Variants in AHDC1 observed in about 807,000 individuals in gnomAD.
AHDC1 encodes transcription factor Gibbin.
In AHDC1, 7 loss-of-function variants were observed where a neutral mutation model predicts 87.9. The ratio of observed to expected loss-of-function variants is 0.08; its 90% confidence interval spans 0.05 to 0.15. The LOEUF (loss-of-function observed/expected upper bound fraction) is 0.15. AHDC1 is among the 10% of genes least tolerant of loss of function. The probability of loss-of-function intolerance (pLI) is 1.00; values close to 1 mark genes in which losing one functional copy is unlikely to be tolerated. For synonymous variants in AHDC1, 1,051 were observed against 1,006.8 expected, an observed-to-expected ratio of 1.04 and a Z score of -0.83; for missense variants, 1,841 against 2,253.2, an observed-to-expected ratio of 0.82 and a Z score of 3.70.
chr1:27,587,478 C>T (rs997234676), intron 3 of AHDC1, among the ~76,000 whole-genome samples: 1 of 152,194 alleles, frequency 6.6e-6, no homozygotes, highest in South Asian at 2.1e-4. Context: ...GCTCCTTCCC[C>T]AACTTCTCCC....
At position 27,548,604 on chromosome 1, in the gene AHDC1, G is replaced by T; in HGVS notation, c.3512C>A (p.Thr1171Asn). ...GCCACCAACCGGCTGATTGAACTGG[G>T]TGCTGTCGGAGGATGACTCAGAGAA... Reference protein sequence around the residue: ...ETFSESSSDSTQFNQPVGGGG... With the variant: ...ETFSESSSDSNQFNQPVGGGG... The change falls in exon 8 of 9, where the codon ACC becomes AAC. Residue 1171 changes from threonine to asparagine, a missense_variant. Thr to Asn is a moderately conservative substitution (Grantham distance 65). This residue lies in a region of AHDC1 where 505 missense variants were observed against 626.2 expected (regional missense o/e 0.81). Coordinates refer to ENST00000673934, the MANE Select transcript of AHDC1 (RefSeq NM_001371928.1). 3 of 1,613,586 alleles carry T rather than the reference G, an allele frequency of 1.9e-6. No homozygotes were observed. The highest frequency in any genetic ancestry group is 2.5e-6 in the Non-Finnish European group (3 of 1,180,036).
In AHDC1 at chr1:27,590,375, C is replaced by A. The variant is rs1237349934; in HGVS notation, c.-629+13022G>T. Among the ~76,000 whole-genome samples, 1 of 152,190 alleles carries A rather than the reference C, an allele frequency of 6.6e-6. No individual in the cohort carries two copies. Among genetic ancestry groups the A allele is most frequent in the East Asian group, 1.9e-4 (1 of 5,190 alleles). On this transcript the variant is annotated intron_variant, in intron 3 of 8. Coordinates refer to ENST00000673934, the MANE Select transcript of AHDC1 (RefSeq NM_001371928.1). This position sits in a 1 kb window ranked among gnomAD's most constrained non-coding sequence, Gnocchi z 5.4. ...CCCTTCCAGGCCCACACCTCCCAACCAAAGATGGCTTCCCAGCACCCCCAG... is the reference window on the plus strand; with the variant it reads ...CCCTTCCAGGCCCACACCTCCCAACAAAAGATGGCTTCCCAGCACCCCCAG...
chr1:27,557,765 C>G (rs1333923022), intron 5 of AHDC1, among the ~76,000 whole-genome samples: 1 of 152,202 alleles, frequency 6.6e-6, no homozygotes, highest in Non-Finnish European at 1.5e-5. Flanking sequence ...AGTATCCCCA[C>G]ACCTGCCCAG....
rs1181572208 is a variant in AHDC1 at position 27,549,663 on chromosome 1, C to T, written c.2453G>A (p.Ser818Asn). The T allele has an allele frequency of 2.5e-6, 4 of 1,613,014 alleles. No homozygotes were observed. The highest frequency in any genetic ancestry group is 3.3e-5 in the Admixed American group (2 of 60,010). ...GGTCTGGCCTGAGGGTGCACCCGTG[C>T]TGTAGTAGCTGCCACGGCCTGAGGC... ...SGASGRGSYY[S>N]TGAPSGQTEL... Residue 818 changes from serine (S) to asparagine (N), a missense_variant, in exon 8 of 9, where the codon AGC (serine) becomes AAC (asparagine). Ser to Asn is a conservative substitution (Grantham distance 46). Coordinates refer to ENST00000673934, the MANE Select transcript of AHDC1 (RefSeq NM_001371928.1).
chr1:27,549,099 T>C lies in AHDC1; in HGVS notation c.3017A>G (p.Asn1006Ser), dbSNP rs139713012. ...GCTGCTGGGTGAGGCAGGGAGGCTG[T>C]TGCCACTGCCATAGGCGAAGCTGCA... is the stretch of plus-strand genomic sequence containing the variant. ...KDCSFAYGSG[N>S]SLPASPSSAH... is the part of the protein sequence containing the mutation. Residue 1006 changes from asparagine to serine, a missense_variant, in exon 8 of 9, where the codon AAC becomes AGC. By Grantham distance (46) the Asn-to-Ser change is conservative. This residue lies in a region of AHDC1 where 378 missense variants were observed against 399.0 expected (regional missense o/e 0.95). Transcript: ENST00000673934. The C allele has an allele frequency of 8.4e-6, 13 of 1,553,860 alleles. No individual in the cohort carries two copies. The highest frequency in any genetic ancestry group is 7.6e-5 in the Admixed American group (4 of 52,638).
chr1:27,599,103 A>AG (rs1238454347), intron 3 of AHDC1, among the ~76,000 whole-genome samples: 2 of 152,178 alleles, frequency 1.3e-5, no homozygotes, highest in Non-Finnish European at 2.9e-5. Flanking sequence ...GAGATGCTGC[A>AG]GGGGCAGAAT....
At chr1:27,546,329 T>G (rs1257768852) in intron 8 of AHDC1, among the ~76,000 whole-genome samples, 1 of 128,272 alleles carries the variant, frequency 7.8e-6, no homozygotes. Context: ...ATTTTCTGTC[T>G]TTTATTTTCC....
At chr1:27,597,512 G>A (rs1248014708) in intron 3 of AHDC1, among the ~76,000 whole-genome samples, 2 of 152,162 alleles carry the variant, frequency 1.3e-5, no homozygotes, top group African/African-American at 4.8e-5. Context: ...TGTGCATCTG[G>A]TGCAGGGGTC....
rs575720279 is a variant in AHDC1 at position 27,590,686 on chromosome 1, G to A, written c.-629+12711C>T. ...TGAGAGGCATCAGGAGAGGATTTAA[G>A]GTCCAAAGTTGGGGAAACTGAGGCA... On this transcript the variant is annotated intron_variant, in intron 3 of 8. Coordinates refer to ENST00000673934, the MANE Select transcript of AHDC1 (RefSeq NM_001371928.1). This position sits in a 1 kb window ranked among gnomAD's most constrained non-coding sequence, Gnocchi z 5.4. Among the ~76,000 whole-genome samples the A allele has an allele frequency of 3.9e-5, 6 of 152,290 alleles. No homozygotes were observed. Among genetic ancestry groups the A allele is most frequent in the African/African-American group, 1.2e-4 (5 of 41,550 alleles).
rs1484151834 is a variant in AHDC1, at chr1:27,549,149, G to A, written c.2967C>T (p.Gly989=). Residue 989 remains glycine, a synonymous_variant, in exon 8 of 9, where the codon GGC becomes GGT. Coordinates refer to ENST00000673934, the MANE Select transcript of AHDC1 (RefSeq NM_001371928.1). The part of the protein sequence containing the change: ...SVFAPTKPFT[G]QDCANSKDCS... ...AGTCCTTGCTGTTAGCGCAGTCCTG[G>A]CCTGTAAAGGGCTTAGTTGGGGCGA... The A allele has an allele frequency of 6.4e-7, 1 of 1,563,250 alleles. No individual in the cohort carries two copies. The highest frequency in any genetic ancestry group is 1.2e-5 in the South Asian group (1 of 83,914).
Position 27,550,851 on chromosome 1 carries a change from A to T in AHDC1, c.1265T>A (p.Leu422Gln), listed in dbSNP as rs1028638258. The T allele has an allele frequency of 1.8e-5, 29 of 1,573,684 alleles. No homozygotes were observed. The highest frequency in any genetic ancestry group is 2.5e-5 in the Non-Finnish European group (29 of 1,163,208). The change falls in exon 8 of 9, where the codon CTG becomes CAG. Residue 422 changes from leucine (L) to glutamine (Q), a missense_variant. Around this residue, in one of 13 missense-constraint regions of AHDC1, gnomAD observed 370 missense variants for 391.5 expected, o/e 0.95. Transcript: ENST00000673934. Reference sequence around the variant, plus strand: ...TGGGGGTTCGGCCAGGGCAGCCACCAGCCCCGTGGGCATAGGCAGGGGCAG... The same window carrying T: ...TGGGGGTTCGGCCAGGGCAGCCACCTGCCCCGTGGGCATAGGCAGGGGCAG... ...RLLPLPMPTG[L>Q]VAALAEPPPP...
In AHDC1 at chr1:27,548,612, G is replaced by T; in HGVS notation, c.3504C>A (p.Ser1168=). Residue 1168 remains serine, a synonymous_variant, in exon 8 of 9, where the codon TCC becomes TCA. Coordinates refer to ENST00000673934, the MANE Select transcript of AHDC1 (RefSeq NM_001371928.1). ...CCGGCTGATTGAACTGGGTGCTGTCGGAGGATGACTCAGAGAAGGTCTCCG... is the reference window on the plus strand; with the variant it reads ...CCGGCTGATTGAACTGGGTGCTGTCTGAGGATGACTCAGAGAAGGTCTCCG... ...AVSETFSESS[S]DSTQFNQPVG... is the part of the protein sequence containing the mutation. The T allele has an allele frequency of 6.2e-7, 1 of 1,613,546 alleles. No individual in the cohort carries two copies.
chr1:27,549,884 G>C lies in AHDC1; in HGVS notation c.2232C>G (p.Ser744=), dbSNP rs766264781. The change falls in exon 8 of 9, where the codon TCC becomes TCG. Residue 744 remains serine (S), a synonymous_variant. Transcript: ENST00000673934. ...VTGKPKRKRR[S]RKNGTLFPEQ... ...CTGGGAACAGAGTCCCATTCTTCCGGGACCGTCTCTTGCGCTTTGGCTTCC... is the reference window on the plus strand; with the variant it reads ...CTGGGAACAGAGTCCCATTCTTCCGCGACCGTCTCTTGCGCTTTGGCTTCC... The C allele has an allele frequency of 4.2e-5, 68 of 1,613,462 alleles. No homozygotes were observed. The highest frequency in any genetic ancestry group is 2.2e-4 in the Admixed American group (13 of 59,972).
Position 27,548,365 on chromosome 1 carries a change from T to G in AHDC1, c.3751A>C (p.Thr1251Pro). ...CCTGAGGCAGCGGCAGAGGCGGATG[T>G]CGGGAAGCCCAGATGTGAGGCCTCG... ...LFEASHLGFP[T>P]SASAAASGYP... The change falls in exon 8 of 9, where the codon ACA (threonine) becomes CCA (proline). Residue 1251 changes from threonine to proline, a missense_variant. Physicochemically the swap from Thr to Pro is conservative, Grantham distance 38 (BLOSUM62 -1). This residue lies in a region of AHDC1 where 505 missense variants were observed against 626.2 expected (regional missense o/e 0.81). Transcript: ENST00000673934. The G allele has an allele frequency of 1.2e-6, 2 of 1,606,334 alleles. No homozygotes were observed. The highest frequency in any genetic ancestry group is 1.7e-6 in the Non-Finnish European group (2 of 1,174,438).
rs1186309256 is a variant in AHDC1 at position 27,561,341 on chromosome 1, G to A, written c.-628-2458C>T. Reference sequence around the variant, plus strand: ...CTGCATGGGGTCTGCCTGGCCCTGAGTGTTGGGGGGGAACTTCAGGAGCAA... The same window carrying A: ...CTGCATGGGGTCTGCCTGGCCCTGAATGTTGGGGGGGAACTTCAGGAGCAA... On this transcript the variant is annotated intron_variant, in intron 3 of 8. Transcript: ENST00000673934. This position sits in a 1 kb window ranked among gnomAD's most constrained non-coding sequence, Gnocchi z 4.2. 4.0e-5 allele frequency among the ~76,000 whole-genome samples: 6 copies of A among 150,384 alleles called. No homozygotes were observed. In the East Asian group the frequency reaches 9.7e-4, roughly 24 times the overall value.
intron 3 of AHDC1, among the ~76,000 whole-genome samples, chr1:27,581,909 C>G (rs1233098987): frequency 6.6e-6 from 1 of 152,182 alleles, no homozygotes; most frequent in Non-Finnish European, 1.5e-5. Context: ...TCCCCTGAGT[C>G]TCAACACCAC....
chr1:27,585,660 G>A (rs183208605), intron 3 of AHDC1, among the ~76,000 whole-genome samples: 177 of 152,226 alleles, frequency 1.2e-3, no homozygotes, highest in African/African-American at 4.0e-3. Context: ...CCTTCGAGAA[G>A]CCCCTTGTGG....
At position 27,548,158 on chromosome 1, in the gene AHDC1, C is replaced by T; in HGVS notation, c.3958G>A (p.Asp1320Asn). 1 of 1,613,828 alleles carries T rather than the reference C, an allele frequency of 6.2e-7. No individual in the cohort carries two copies. Among genetic ancestry groups the T allele is most frequent in the Non-Finnish European group, 8.5e-7 (1 of 1,180,038 alleles). ...PDLGLDYYSG[D>N]SSMSPLPSQS... The stretch of plus-strand genomic sequence containing the variant: ...GAGGGCAGTGGTGACATGCTGCTGT[C>T]CCCGCTATAGTAGTCCAGGCCGAGG... Residue 1320 changes from aspartate (D) to asparagine (N), a missense_variant, in exon 8 of 9, where the codon GAC becomes AAC. Coordinates refer to ENST00000673934, the MANE Select transcript of AHDC1 (RefSeq NM_001371928.1).
Position 27,598,146 on chromosome 1 carries a change from C to G in AHDC1, c.-629+5251G>C, listed in dbSNP as rs887978284. ...GGGGTGGGGAGGGGGTGCAGAGCTG[C>G]AGCTTCTGGAAGCTTCAGTGGCAGC... On this transcript the variant is annotated intron_variant, in intron 3 of 8. Transcript: ENST00000673934. The surrounding 1 kb of genome is among the most constrained non-coding windows in gnomAD (Gnocchi z 4.2). Among the ~76,000 whole-genome samples the G allele has an allele frequency of 1.7e-4, 26 of 152,350 alleles. No individual in the cohort carries two copies. The highest frequency in any genetic ancestry group is 5.8e-4 in the African/African-American group (24 of 41,570).
Sources: allele counts gnomAD v4.1 joint callset (sites outside exome capture counted in the v4.1 genomes callset), GRCh38; gene constraint gnomAD v4.1.1; regional missense constraint gnomAD v4.1.1; non-coding constraint Gnocchi (gnomAD v3.1); transcripts MANE v1.5; gene names NCBI Gene and HGNC (gene_info 2026-07-23, HGNC 2026-07-21).